The following BAHCC1 variants were observed in gnomAD, a reference collection of about 807,000 sequenced individuals.
BAHCC1 encodes BAH domain and coiled-coil containing 1, also known as BAH and coiled-coil domain-containing protein 1.
In BAHCC1, 43 loss-of-function variants were observed where a neutral mutation model predicts 88.2. The observed-to-expected ratio is 0.49, with a 90% CI of 0.38 to 0.63. BAHCC1 has a LOEUF of 0.63. BAHCC1 is among the 20% of genes least tolerant of loss of function. The pLI, the probability that BAHCC1 is intolerant of heterozygous loss-of-function variation, is 0.00. For missense variants in BAHCC1, 3,023 were observed against 1,654.8 expected (o/e 1.83, Z -14.34); for synonymous variants, 1,510 against 745.5 (o/e 2.03, Z -16.71).
rs186577320 is a variant in BAHCC1 at position 81,448,582 on chromosome 17, G to A, written c.3976+734G>A. Among the ~76,000 whole-genome samples, 704 of 152,336 alleles carry A rather than the reference G, an allele frequency of 4.6e-3. 6 individuals carry two copies. The highest frequency in any genetic ancestry group is 0.014 in the Middle Eastern group (4 of 294). ...GCGTCCCCCAGCCGGGCACGGCGCC[G>A]TGGTTGTTGATAGCACGAAGCTGAC... On this transcript the variant is annotated intron_variant, in intron 11 of 27. Coordinates refer to ENST00000675386, the MANE Select transcript of BAHCC1 (RefSeq NM_001377448.1).
At chr17:81,436,859 C>CCGTGT (rs1199300447) in intron 3 of BAHCC1, among the ~76,000 whole-genome samples, 4 of 151,846 alleles carry the variant, frequency 2.6e-5, no homozygotes, top group Admixed American at 1.3e-4. Flanking sequence ...AAGCAGGCCT[C>CCGTGT]CGTGTCGCAG....
At chr17:81,402,887 G>A (rs1235954651) in intron 2 of BAHCC1, 1 of 152,248 alleles carries the variant, frequency 6.6e-6, no homozygotes, top group Non-Finnish European at 1.5e-5. Flanking sequence ...TGAAAGTGCT[G>A]GGAGCTTTAG....
chr17:81,423,504 C>T (rs1396910293), intron 2 of BAHCC1, among the ~76,000 whole-genome samples: 2 of 152,070 alleles, frequency 1.3e-5, no homozygotes, highest in African/African-American at 4.8e-5. Flanking sequence ...GCTGGGCCCC[C>T]GCAGACCCCA....
At chr17:81,445,894 C>T (rs1388493569) in intron 10 of BAHCC1, among the ~76,000 whole-genome samples, 3 of 152,262 alleles carry the variant, frequency 2.0e-5, no homozygotes, top group Non-Finnish European at 4.4e-5. Flanking sequence ...CCGCCCCCTT[C>T]CTGGCCGTGG....
intron 27 of BAHCC1, 125 bp from the exon 28 acceptor site, chr17:81,463,486 T>C: frequency 4.5e-6 from 3 of 666,956 alleles, no homozygotes; most frequent in Admixed American, 4.1e-5. Context: ...GGCCCCGTCT[T>C]CCGGCCACAC....
Position 81,442,602 on chromosome 17 carries a change from G to C in BAHCC1, c.1253G>C (p.Gly418Ala). 1 of 775,442 alleles carries C rather than the reference G, an allele frequency of 1.3e-6. No homozygotes were observed. Among genetic ancestry groups the C allele is most frequent in the Non-Finnish European group, 2.4e-6 (1 of 415,732 alleles). 48.0% of individuals were successfully genotyped at this position (775,442 alleles called of 1,614,324 possible). A position where few individuals can be genotyped will look rare whatever the true frequency, so the allele number is the denominator to read the frequency against. ...FQAAEACAVA[G>A]EGKDRHLEGT... ...GCCGCCGAGGCCTGTGCCGTGGCAGGGGAGGGCAAGGACCGGCACCTGGAG... is the reference window on the plus strand; with the variant it reads ...GCCGCCGAGGCCTGTGCCGTGGCAGCGGAGGGCAAGGACCGGCACCTGGAG... Residue 418 changes from glycine to alanine, a missense_variant, in exon 5 of 28, where the codon GGG becomes GCG. Gly to Ala is a moderately conservative substitution (Grantham distance 60). Transcript: ENST00000675386.
chr17:81,442,891 G>A lies in BAHCC1; in HGVS notation c.1542G>A (p.Gly514=), dbSNP rs996635001. ...ARPGHQDPLG[G]KAPQACCTLD... is the part of the protein sequence containing the mutation. ...CTGGTCACCAGGACCCGCTGGGCGG[G>A]AAGGCCCCCCAGGCCTGCTGCACTT... is the stretch of plus-strand genomic sequence containing the variant. The change falls in exon 5 of 28, where the codon GGG becomes GGA. Residue 514 remains glycine (G), a synonymous_variant. Coordinates refer to ENST00000675386, the MANE Select transcript of BAHCC1 (RefSeq NM_001377448.1). 6.4e-6 allele frequency: 5 copies of A among 779,210 alleles called. No homozygotes were observed. The highest frequency in any genetic ancestry group is 5.1e-5 in the Admixed American group (3 of 58,998). The allele number at this position is 779,210 out of a possible 1,614,324, so 48.3% of individuals were successfully genotyped here.
intron 10 of BAHCC1, among the ~76,000 whole-genome samples, chr17:81,446,526 C>CTTTTTTTTTTTTTTTT (rs869297780): frequency 4.1e-5 from 2 of 49,224 alleles, no homozygotes; most frequent in African/African-American, 1.8e-4. Context: ...CTGCTCACAC[C>CTTTTTTTTTTTTTTTT]TTTTTTTTTT....
At chr17:81,417,244 C>T (rs1369746595) in intron 2 of BAHCC1, among the ~76,000 whole-genome samples, 2 of 152,138 alleles carry the variant, frequency 1.3e-5, no homozygotes, top group African/African-American at 2.4e-5. Context: ...CAGTTTGGGG[C>T]GAGGAGACTC....
chr17:81,446,067 G>A (rs1477741455), intron 10 of BAHCC1, among the ~76,000 whole-genome samples: 5 of 152,202 alleles, frequency 3.3e-5, no homozygotes, highest in African/African-American at 1.2e-4. Flanking sequence ...GGAGAGGGAG[G>A]GGCAGCGAGG....
intron 14 of BAHCC1, 125 bp downstream of exon 14, chr17:81,452,976 A>G: frequency 1.7e-6 from 1 of 585,764 alleles, no homozygotes. Flanking sequence ...CCTACTCTGA[A>G]GGCCTGGCCC....
In BAHCC1 at chr17:81,456,315, A is replaced by G. The variant is rs1398790264; in HGVS notation, c.4588A>G (p.Lys1530Glu). ...TTCACAGGAGAAGGCGCAGTGTAAG[A>G]AGAGCAGCTGTCAGGGCGGGCTGGC... ...TASVEKAQCK[K>E]SSCQGGLAPS... The change falls in exon 16 of 28, where the codon AAG (lysine) becomes GAG (glutamate). Residue 1530 changes from lysine (K) to glutamate (E), a missense_variant. Lys to Glu is a moderately conservative substitution (Grantham distance 56). Coordinates refer to ENST00000675386, the MANE Select transcript of BAHCC1 (RefSeq NM_001377448.1). 1.1e-5 allele frequency: 8 copies of G among 719,196 alleles called. No individual in the cohort carries two copies. The highest frequency in any genetic ancestry group is 2.1e-5 in the Non-Finnish European group (8 of 386,540). The allele number at this position is 719,196 out of a possible 1,614,324, so 44.6% of individuals were successfully genotyped here.
rs1015524801 is a variant in BAHCC1, at chr17:81,431,325, A to G, written c.358+4346A>G. ...TGCCCTCAGGCCCTGGCAGTTCCCAACCCCCAGCCCGCTGAGACTTTATGC... is the reference window on the plus strand; with the variant it reads ...TGCCCTCAGGCCCTGGCAGTTCCCAGCCCCCAGCCCGCTGAGACTTTATGC... On this transcript the variant is annotated intron_variant, in intron 3 of 27. Coordinates refer to ENST00000675386, the MANE Select transcript of BAHCC1 (RefSeq NM_001377448.1). 9.4e-5 allele frequency among the ~76,000 whole-genome samples: 14 copies of G among 148,418 alleles called. 1 individual carries two copies. In the East Asian group the frequency reaches 2.8e-3, roughly 29 times the overall value.
At chr17:81,441,530 C>T (rs959186228) in intron 4 of BAHCC1, among the ~76,000 whole-genome samples, 3 of 151,994 alleles carry the variant, frequency 2.0e-5, no homozygotes, top group East Asian at 1.9e-4. Context: ...GGCCTGGTGG[C>T]GGGCTCCTGT....
rs1555654172 is a variant in BAHCC1 at position 81,445,691 on chromosome 17, G to A, written c.3163+10G>A. The stretch of plus-strand genomic sequence containing the variant: ...ATCACATCCGAACCAGGTGAGAGTA[G>A]CCGCCTGGCCCGGCCCACTGTGCTC... On this transcript the variant is annotated intron_variant, in intron 10 of 27. Transcript: ENST00000675386. The A allele has an allele frequency of 9.7e-6, 7 of 722,162 alleles. No homozygotes were observed. In the East Asian group the frequency reaches 1.3e-4, roughly 14 times the overall value. The allele number at this position is 722,162 out of a possible 1,614,324, so 44.7% of individuals were successfully genotyped here.
chr17:81,449,016 G>A (rs2143567736), intron 11 of BAHCC1, among the ~76,000 whole-genome samples: 1 of 152,358 alleles, frequency 6.6e-6, no homozygotes, highest in South Asian at 2.1e-4. Flanking sequence ...CTGGCAGCAT[G>A]AGGAGGCGTC....
At chr17:81,415,653 C>T (rs1186732529) in intron 2 of BAHCC1, 4 of 475,020 alleles carry the variant, frequency 8.4e-6, no homozygotes, top group Non-Finnish European at 1.7e-5. Context: ...CTTCTTAGCA[C>T]CAGGGGCAGG....
rs1156760860 is a variant in BAHCC1 at position 81,444,585 on chromosome 17, C to T, written c.2512+17C>T. The T allele has an allele frequency of 1.2e-5, 9 of 735,708 alleles. No homozygotes were observed. Among genetic ancestry groups the T allele is most frequent in the East Asian group, 2.4e-5 (1 of 40,854 alleles). 45.6% of individuals were successfully genotyped at this position (735,708 alleles called of 1,614,324 possible). ...ACTCCTACGGTCAGTGATCCAAGGG[C>T]GGGGGCTGGCCTGGGGCTGATGAGG... On this transcript the variant is annotated intron_variant, in intron 7 of 27. Transcript: ENST00000675386.
chr17:81,446,138 C>T (rs2064522847), intron 10 of BAHCC1, among the ~76,000 whole-genome samples: 2 of 151,948 alleles, frequency 1.3e-5, no homozygotes, highest in Admixed American at 6.6e-5. Context: ...CGCCCATCCA[C>T]TCCCCACCAG....
Sources: gnomAD v4.1 joint callset for allele counts (sites outside exome capture counted in the v4.1 genomes callset) on GRCh38, gnomAD v4.1.1 for gene constraint, MANE v1.5 for transcripts, NCBI Gene and HGNC (gene_info 2026-07-23, HGNC 2026-07-21) for gene names.